Variants in MAP3K7CL observed in about 807,000 individuals in gnomAD.
MAP3K7CL encodes the protein MAP3K7 C-terminal like.
In MAP3K7CL, 16 loss-of-function variants were observed where a neutral mutation model predicts 18.6. The observed-to-expected ratio is 0.86, with a 90% CI of 0.58 to 1.31. The LOEUF (loss-of-function observed/expected upper bound fraction) is 1.31, where lower values mean the gene tolerates loss of function less well. MAP3K7CL is among the 50% of genes most tolerant of loss of function. The pLI is 0.00. For missense variants in MAP3K7CL, 163 were observed against 174.4 expected, an observed-to-expected ratio of 0.93 and a Z score of 0.37; for synonymous variants, 65 against 66.8, an observed-to-expected ratio of 0.97 and a Z score of 0.13.
chr21:29,161,625 TTTATA>T (rs2087551564), intron 4 of MAP3K7CL, among the ~76,000 whole-genome samples: 1 of 152,198 alleles, frequency 6.6e-6, no homozygotes, highest in South Asian at 2.1e-4. Flanking sequence ...CAAAGGAAGA[TTTATA>T]TAATCAATAG....
At chr21:29,112,921 G>C (rs1252200351) in intron 4 of MAP3K7CL, among the ~76,000 whole-genome samples, 1 of 151,602 alleles carries the variant, frequency 6.6e-6, no homozygotes, top group East Asian at 1.9e-4. Context: ...CGATTCTCCT[G>C]TCTCAGCCTC....
At chr21:29,114,015 T>C (rs2051647610) in intron 4 of MAP3K7CL, among the ~76,000 whole-genome samples, 2 of 152,178 alleles carry the variant, frequency 1.3e-5, no homozygotes. Context: ...CATTGATCTA[T>C]ATTTGGGAGT....
intron 2 of MAP3K7CL, among the ~76,000 whole-genome samples, chr21:29,146,776 T>C (rs2087137400): frequency 6.6e-6 from 1 of 152,254 alleles, no homozygotes; most frequent in African/African-American, 2.4e-5. Context: ...ATGGAAGTAT[T>C]GTTATACTAC....
At chr21:29,106,242 A>G (rs980000583) in intron 4 of MAP3K7CL, among the ~76,000 whole-genome samples, 5 of 152,080 alleles carry the variant, frequency 3.3e-5, no homozygotes, top group Non-Finnish European at 7.4e-5. Flanking sequence ...GCTGGAGTAC[A>G]GCGGCATGAT....
At chr21:29,103,622 C>A (rs1262085137) in intron 4 of MAP3K7CL, among the ~76,000 whole-genome samples, 1 of 151,998 alleles carries the variant, frequency 6.6e-6, no homozygotes, top group Admixed American at 6.6e-5. Flanking sequence ...GTAGTCCAGG[C>A]TACTTGGGAA....
chr21:29,168,266 GAGTA>G (rs1417764880), intron 4 of MAP3K7CL, among the ~76,000 whole-genome samples: 1 of 152,184 alleles, frequency 6.6e-6, no homozygotes, highest in Non-Finnish European at 1.5e-5. Flanking sequence ...TGTCTGATAT[GAGTA>G]AGATGCCTTC....
chr21:29,172,995 G>C (rs531969716), intron 4 of MAP3K7CL, among the ~76,000 whole-genome samples: 2 of 152,290 alleles, frequency 1.3e-5, no homozygotes, highest in African/African-American at 4.8e-5. Context: ...GAAGAGGAGA[G>C]GCTTTTAGAA....
intron 1 of MAP3K7CL, among the ~76,000 whole-genome samples, chr21:29,090,823 G>T (rs568741770): frequency 2.8e-4 from 42 of 148,904 alleles, no homozygotes; most frequent in Non-Finnish European, 5.0e-4. Flanking sequence ...CTTTGTGTAT[G>T]TGTGTTCTTA....
At chr21:29,131,750 A>G (rs891612371) in intron 1 of MAP3K7CL, among the ~76,000 whole-genome samples, 1 of 152,230 alleles carries the variant, frequency 6.6e-6, no homozygotes. Flanking sequence ...GGGTTTTAAT[A>G]TAAGCCTGAT....
chr21:29,103,870 CT>C (rs921571503), intron 4 of MAP3K7CL, among the ~76,000 whole-genome samples: 1 of 152,170 alleles, frequency 6.6e-6, no homozygotes, highest in African/African-American at 2.4e-5. Context: ...CTCCACTGCA[CT>C]TCAGCCTGGG....
upstream of MAP3K7CL, among the ~76,000 whole-genome samples, chr21:29,083,110 C>A (rs2085863985): frequency 6.6e-6 from 1 of 152,112 alleles, no homozygotes; most frequent in South Asian, 2.1e-4. Context: ...TGATATTGGT[C>A]CTTTCTAAAG....
chr21:29,151,919 A>T (rs76146665), intron 3 of MAP3K7CL, among the ~76,000 whole-genome samples: 10,548 of 152,238 alleles, frequency 0.069, 804 homozygotes, highest in African/African-American at 0.18. Flanking sequence ...TTCCAATGAA[A>T]CTATTTCATC....
chr21:29,102,337 A>G (rs879283681), intron 4 of MAP3K7CL, among the ~76,000 whole-genome samples: 1 of 152,234 alleles, frequency 6.6e-6, no homozygotes, highest in Non-Finnish European at 1.5e-5. Flanking sequence ...AGTTGACTTA[A>G]CTGAGGCTCA....
chr21:29,170,801 G>A (rs935190476), intron 4 of MAP3K7CL, among the ~76,000 whole-genome samples: 1 of 151,720 alleles, frequency 6.6e-6, no homozygotes, highest in Non-Finnish European at 1.5e-5. Context: ...ACCATGCCTC[G>A]CTAATTTTTG....
At chr21:29,085,459 A>G (rs1216062619), upstream of MAP3K7CL, among the ~76,000 whole-genome samples, 6 of 149,920 alleles carry the variant, frequency 4.0e-5, no homozygotes, top group African/African-American at 1.5e-4. Flanking sequence ...AGGCAGGAGA[A>G]TGGAGTGAAC....
At chr21:29,114,140 C>T (rs1002065754) in intron 4 of MAP3K7CL, among the ~76,000 whole-genome samples, 7 of 152,048 alleles carry the variant, frequency 4.6e-5, no homozygotes, top group Non-Finnish European at 7.4e-5. Context: ...GCAATCTCGG[C>T]TCTTTGCAAT....
At chr21:29,118,778 A>G (rs1450865081) in intron 4 of MAP3K7CL, among the ~76,000 whole-genome samples, 1 of 152,266 alleles carries the variant, frequency 6.6e-6, no homozygotes, top group Admixed American at 6.5e-5. Context: ...TGGATGCCAA[A>G]CTAAAGACGT....
chr21:29,110,651 G>T (rs1479314861), intron 4 of MAP3K7CL, among the ~76,000 whole-genome samples: 1 of 152,070 alleles, frequency 6.6e-6, no homozygotes, highest in Non-Finnish European at 1.5e-5. Flanking sequence ...CCCCCGCTCA[G>T]TCTCCCAAAG....
At chr21:29,150,244 G>A (rs980240680) in intron 3 of MAP3K7CL, among the ~76,000 whole-genome samples, 3 of 152,142 alleles carry the variant, frequency 2.0e-5, no homozygotes, top group Admixed American at 6.5e-5. Context: ...GAGCCCTTCC[G>A]CAAGCCAAGA....
Sources: allele counts gnomAD v4.1 joint callset (sites outside exome capture counted in the v4.1 genomes callset), GRCh38; gene constraint gnomAD v4.1.1; transcripts MANE v1.5; gene names NCBI Gene and HGNC (gene_info 2026-07-23, HGNC 2026-07-21).